The following GRB14 variants were observed in gnomAD, a reference collection of about 807,000 sequenced individuals.
The protein encoded by GRB14 is growth factor receptor bound protein 14, also known as growth factor receptor-bound protein 14.
GRB14 carries 38 observed loss-of-function variants against 69.1 expected under a neutral mutation model. The ratio of observed to expected loss-of-function variants is 0.55; its 90% confidence interval spans 0.42 to 0.72. The LOEUF (loss-of-function observed/expected upper bound fraction) is 0.72, where lower values mean the gene tolerates loss of function less well. Among genes scored for constraint, GRB14 ranks in the 30% least tolerant of loss-of-function variants. GRB14 has a pLI of 0.00. For missense variants in GRB14, 666 were observed against 666.1 expected (o/e 1.00, Z 0.00); for synonymous variants, 247 against 241.3 (o/e 1.02, Z -0.22).
At chr2:164,550,183 T>A (rs1387969529) in intron 2 of GRB14, among the ~76,000 whole-genome samples, 1 of 152,174 alleles carries the variant, frequency 6.6e-6, no homozygotes, top group Non-Finnish European at 1.5e-5. Context: ...TATAGAATGT[T>A]ACACTTCCTG....
intron 2 of GRB14, among the ~76,000 whole-genome samples, chr2:164,595,568 A>G (rs772999944): frequency 3.9e-5 from 6 of 152,216 alleles, no homozygotes; most frequent in Admixed American, 6.5e-5. Flanking sequence ...ATCAGGAGTC[A>G]GATCACAGAG....
chr2:164,599,683 T>C (rs13393278), intron 2 of GRB14, among the ~76,000 whole-genome samples: 10,141 of 152,274 alleles, frequency 0.067, 531 homozygotes, highest in African/African-American at 0.14. Flanking sequence ...TATTTGCATA[T>C]GCACTAAGTC....
chr2:164,603,658 A>T (rs1574349565), intron 2 of GRB14, among the ~76,000 whole-genome samples: 1 of 87,180 alleles, frequency 1.1e-5, no homozygotes, highest in African/African-American at 4.3e-5. Flanking sequence ...GTGAGACACC[A>T]CCTCAAAAAA....
chr2:164,498,773 G>C (rs1048541875), intron 9 of GRB14, among the ~76,000 whole-genome samples: 1 of 152,056 alleles, frequency 6.6e-6, no homozygotes, highest in Admixed American at 6.5e-5. Flanking sequence ...GATAACTATA[G>C]GACTCCTTTA....
At chr2:164,559,234 C>G (rs958323154) in intron 2 of GRB14, among the ~76,000 whole-genome samples, 2 of 151,948 alleles carry the variant, frequency 1.3e-5, no homozygotes, top group Non-Finnish European at 2.9e-5. Flanking sequence ...TGATGTATAC[C>G]CATTTTGTAA....
rs772554477 is a variant in GRB14 at position 164,521,987 on chromosome 2, G to C, written c.809C>G (p.Thr270Arg). ...RSGLYFSTKG[T>R]SKEPRHLQFF... ...ATGGATACTTCAATTTACCTTTGAT[G>C]TTCCTTTAGTAGAAAAATATAAACC... The change falls in exon 6 of 14, where the codon ACA becomes AGA. Residue 270 changes from threonine to arginine, a missense_variant. Transcript: ENST00000263915. The C allele has an allele frequency of 6.9e-6, 11 of 1,599,308 alleles. No homozygotes were observed. The highest frequency in any genetic ancestry group is 6.9e-5 in the Admixed American group (4 of 58,380).
intron 2 of GRB14, among the ~76,000 whole-genome samples, chr2:164,577,020 A>G (rs1574325919): frequency 6.6e-6 from 1 of 151,902 alleles, no homozygotes; most frequent in Admixed American, 6.6e-5. Context: ...GCAAAAAAAC[A>G]TAATGAAATA....
intron 6 of GRB14, among the ~76,000 whole-genome samples, chr2:164,509,596 T>A (rs1687284906): frequency 6.6e-6 from 1 of 152,058 alleles, no homozygotes; most frequent in South Asian, 2.1e-4. Flanking sequence ...GAATGTATAA[T>A]CAAATCTGAC....
At chr2:164,547,576 A>T in intron 3 of GRB14, 84 bp downstream of exon 3, 1 of 1,103,094 alleles carries the variant, frequency 9.1e-7, no homozygotes. Context: ...CAAAACACCA[A>T]ATCTAAGAAT....
At chr2:164,609,998 C>T (rs1190870200) in intron 2 of GRB14, among the ~76,000 whole-genome samples, 1 of 152,196 alleles carries the variant, frequency 6.6e-6, no homozygotes, top group Non-Finnish European at 1.5e-5. Context: ...GAAGCTTTCC[C>T]TGTGTGTGAT....
At chr2:164,564,007 T>A in intron 2 of GRB14, among the ~76,000 whole-genome samples, 1 of 152,090 alleles carries the variant, frequency 6.6e-6, no homozygotes. Context: ...AGGGCTGTAG[T>A]GGTTGAATTG....
At chr2:164,580,095 C>A (rs1286715073) in intron 2 of GRB14, among the ~76,000 whole-genome samples, 3 of 47,846 alleles carry the variant, frequency 6.3e-5, no homozygotes, top group Non-Finnish European at 1.1e-4. Context: ...TTCTATGATA[C>A]ATTTTTTTTT....
intron 2 of GRB14, among the ~76,000 whole-genome samples, chr2:164,558,120 A>G (rs940998640): frequency 7.2e-5 from 11 of 152,146 alleles, no homozygotes; most frequent in Non-Finnish European, 1.6e-4. Flanking sequence ...GGCTCAGGAC[A>G]TCTCCTTAAA....
intron 3 of GRB14, 147 bp downstream of exon 3, chr2:164,547,513 G>GA (rs1688410485): frequency 3.6e-6 from 2 of 559,988 alleles, no homozygotes; most frequent in Non-Finnish European, 5.9e-6. Flanking sequence ...AGGAAAAAAA[G>GA]AAAAAAGAAT....
chr2:164,553,849 G>A (rs1214580022), intron 2 of GRB14, among the ~76,000 whole-genome samples: 1 of 152,106 alleles, frequency 6.6e-6, no homozygotes, highest in Non-Finnish European at 1.5e-5. Context: ...AGCTACTCAG[G>A]AGGCTGAGGC....
At chr2:164,506,410 T>C (rs1227335482) in intron 8 of GRB14, among the ~76,000 whole-genome samples, 3 of 152,120 alleles carry the variant, frequency 2.0e-5, no homozygotes, top group Non-Finnish European at 4.4e-5. Flanking sequence ...TCACATCCAC[T>C]AGAATGACCA....
At chr2:164,554,627 T>C (rs1332035904) in intron 2 of GRB14, among the ~76,000 whole-genome samples, 1 of 152,132 alleles carries the variant, frequency 6.6e-6, no homozygotes, top group Non-Finnish European at 1.5e-5. Context: ...ACCTTGGCCT[T>C]TGGAGTAGTT....
intron 2 of GRB14, among the ~76,000 whole-genome samples, chr2:164,590,793 T>G (rs1358743397): frequency 6.6e-6 from 1 of 152,250 alleles, no homozygotes; most frequent in Non-Finnish European, 1.5e-5. Context: ...TCTTCATTAT[T>G]TGAATAGAAA....
intron 9 of GRB14, 124 bp downstream of exon 9, chr2:164,502,131 C>A: frequency 1.9e-6 from 1 of 534,936 alleles, no homozygotes; most frequent in Non-Finnish European, 3.4e-6. Context: ...TAGAATGGTG[C>A]CAAAGAGTTA....
Sources: gnomAD v4.1 joint callset for allele counts (sites outside exome capture counted in the v4.1 genomes callset) on GRCh38, gnomAD v4.1.1 for gene constraint, MANE v1.5 for transcripts, NCBI Gene and HGNC (gene_info 2026-07-23, HGNC 2026-07-21) for gene names.